SLF2: variants seen among roughly 807,000 people sequenced by gnomAD.
The protein encoded by SLF2 is SMC5-SMC6 complex localization factor protein 2.
A neutral mutation model predicts 124.3 loss-of-function variants in SLF2; 68 were observed. The ratio of observed to expected loss-of-function variants is 0.55; its 90% confidence interval spans 0.45 to 0.67. SLF2 has a LOEUF of 0.67. SLF2 is among the 30% of genes least tolerant of loss of function. The probability of loss-of-function intolerance (pLI) is 0.00; values close to 1 mark genes in which losing one functional copy is unlikely to be tolerated. For synonymous variants in SLF2, 480 were observed against 478.8 expected (o/e 1.00, Z -0.03); for missense variants, 1,246 against 1,373.7 (o/e 0.91, Z 1.47).
intron 4 of SLF2, among the ~76,000 whole-genome samples, chr10:100,923,669 T>C (rs1849559265): frequency 6.6e-6 from 1 of 152,210 alleles, no homozygotes; most frequent in South Asian, 2.1e-4. Context: ...ACCTATGGCA[T>C]CCTTAACTTG....
Position 100,928,077 on chromosome 10 carries a change from G to C in SLF2, c.2043-1240G>C, listed in dbSNP as rs1464649292. Among the ~76,000 whole-genome samples, 161 of 67,090 alleles carry C rather than the reference G, an allele frequency of 2.4e-3. 26 individuals are homozygous for C. Among genetic ancestry groups the C allele is most frequent in the Non-Finnish European group, 4.2e-3 (124 of 29,564 alleles). The allele number at this position is 67,090 out of a possible 152,430, so 44.0% of individuals were successfully genotyped here. ...CACACACACACACACACGAGAGAGA[G>C]ACAGAGAGAGAGAGAGAGAGAGAGA... On this transcript the variant is annotated intron_variant, in intron 6 of 19. Coordinates refer to ENST00000238961, the MANE Select transcript of SLF2 (RefSeq NM_018121.4).
rs764905033 is a variant in SLF2, at chr10:100,924,784, A to G, written c.1783A>G (p.Arg595Gly). The G allele has an allele frequency of 6.2e-7, 1 of 1,614,198 alleles. No individual in the cohort carries two copies. The highest frequency in any genetic ancestry group is 1.1e-5 in the South Asian group (1 of 91,088). The change falls in exon 5 of 20, where the codon AGA becomes GGA. Residue 595 changes from arginine to glycine, a missense_variant. By Grantham distance (125) the Arg-to-Gly change is moderately radical. Coordinates refer to ENST00000238961, the MANE Select transcript of SLF2 (RefSeq NM_018121.4). ...CAATGCAGGTAGCAGTGCACTGAAA[A>G]GAAAACTAAGGGGTGATTTTGATAG... ...NSNAGSSALK[R>G]KLRGDFDSDE...
Position 100,959,341 on chromosome 10 carries a change from G to C in SLF2, c.3418-87G>C, listed in dbSNP as rs1451681901. The C allele has an allele frequency of 4.0e-6, 5 of 1,247,572 alleles. No homozygotes were observed. In the African/African-American group the frequency reaches 6.0e-5, roughly 15 times the overall value. 77.3% of individuals were successfully genotyped at this position (1,247,572 alleles called of 1,614,324 possible). On this transcript the variant is annotated intron_variant, in intron 18 of 19. Transcript: ENST00000238961. ...AGTTGTTGAGTGTGGGCCTGTTGCA[G>C]CTGTCAGATATTTTGTGTAGTGTTA...
intron 4 of SLF2, among the ~76,000 whole-genome samples, chr10:100,921,357 C>T (rs993850605): frequency 2.6e-5 from 4 of 152,220 alleles, no homozygotes; most frequent in Non-Finnish European, 4.4e-5. Context: ...GCTGGGATTA[C>T]GGGCGTGAGC....
intron 6 of SLF2, among the ~76,000 whole-genome samples, chr10:100,928,011 A>G (rs1849644742): frequency 6.9e-6 from 1 of 144,092 alleles, no homozygotes; most frequent in Admixed American, 7.1e-5. Context: ...TTGAGGAAAA[A>G]GTTTAGAATT....
chr10:100,930,948 C>G, intron 8 of SLF2, 28 bp from the exon 9 acceptor site: 1 of 1,550,164 alleles, frequency 6.5e-7, no homozygotes. Flanking sequence ...AAGTTAATAG[C>G]CATGTTGATT....
chr10:100,919,893 G>A (rs1432257407), intron 4 of SLF2, among the ~76,000 whole-genome samples: 1 of 152,086 alleles, frequency 6.6e-6, no homozygotes, highest in Admixed American at 6.6e-5. Context: ...CCTCCTTCAG[G>A]TTTCATCTAC....
At chr10:100,958,574 G>A (rs908379910) in intron 18 of SLF2, among the ~76,000 whole-genome samples, 6 of 152,328 alleles carry the variant, frequency 3.9e-5, no homozygotes, top group Admixed American at 1.3e-4. Context: ...AGTGGAAAGC[G>A]ACACAGTGGT....
At position 100,916,903 on chromosome 10, in the gene SLF2, G is replaced by A; in HGVS notation, c.518G>A (p.Arg173Lys). Reference protein sequence around the residue: ...SLKKKHRSPERRKSLFIHENN... With the variant: ...SLKKKHRSPEKRKSLFIHENN... ...AAGAAAAAACATCGATCCCCAGAGA[G>A]AAGGAAGTCACTATTCATTCATGAA... Residue 173 changes from arginine (R) to lysine (K), a missense_variant, in exon 3 of 20, where the codon AGA becomes AAA. Around this residue, in one of 3 missense-constraint regions of SLF2, gnomAD observed 698 missense variants for 708.9 expected, o/e 0.98. Coordinates refer to ENST00000238961, the MANE Select transcript of SLF2 (RefSeq NM_018121.4). 1 of 1,614,194 alleles carries A rather than the reference G, an allele frequency of 6.2e-7. No individual in the cohort carries two copies. The highest frequency in any genetic ancestry group is 8.5e-7 in the Non-Finnish European group (1 of 1,180,042).
At chr10:100,928,481 C>T (rs745763859) in intron 6 of SLF2, among the ~76,000 whole-genome samples, 6 of 152,170 alleles carry the variant, frequency 3.9e-5, no homozygotes, top group Non-Finnish European at 8.8e-5. Flanking sequence ...AAATGAAAGA[C>T]AGTAGTACTA....
chr10:100,946,963 G>C (rs1008021728), intron 13 of SLF2, 76 bp from the exon 14 acceptor site: 2 of 1,111,470 alleles, frequency 1.8e-6, no homozygotes, highest in Non-Finnish European at 2.7e-6. Context: ...TGTCAAGAAG[G>C]GTTGTAGATG....
In SLF2 at chr10:100,929,973, G is replaced by A. The variant is rs779890695; in HGVS notation, c.2309G>A (p.Ser770Asn). The part of the protein sequence containing the change: ...DLRDSGFIGQ[S>N]AVEKLILKSG... Reference sequence around the variant, plus strand: ...AGAGACTCTGGTTTTATTGGACAAAGTGCTGTAGAAAAACTTATTCTTAAG... The same window carrying A: ...AGAGACTCTGGTTTTATTGGACAAAATGCTGTAGAAAAACTTATTCTTAAG... The change falls in exon 8 of 20, where the codon AGT (serine) becomes AAT (asparagine). Residue 770 changes from serine to asparagine, a missense_variant. This residue lies in a region of SLF2 where 535 missense variants were observed against 632.8 expected (regional missense o/e 0.85). Coordinates refer to ENST00000238961, the MANE Select transcript of SLF2 (RefSeq NM_018121.4). 3 of 1,533,104 alleles carry A rather than the reference G, an allele frequency of 2.0e-6. No individual in the cohort carries two copies. Among genetic ancestry groups the A allele is most frequent in the Non-Finnish European group, 2.6e-6 (3 of 1,142,746 alleles). The allele number at this position is 1,533,104 out of a possible 1,614,324, so 95.0% of individuals were successfully genotyped here.
intron 9 of SLF2, among the ~76,000 whole-genome samples, chr10:100,936,889 A>G (rs538335839): frequency 6.6e-6 from 1 of 151,830 alleles, no homozygotes; most frequent in Non-Finnish European, 1.5e-5. Context: ...GCAGCATGTT[A>G]GAATGTAAAG....
In SLF2 at chr10:100,944,053, G is replaced by A. The variant is rs146562009; in HGVS notation, c.2682G>A (p.Gly894=). The A allele has an allele frequency of 1.0e-4, 164 of 1,612,106 alleles. No individual in the cohort carries two copies. The highest frequency in any genetic ancestry group is 1.3e-4 in the Non-Finnish European group (150 of 1,179,354). ...CTGAAACACAGACAACATCAAGGGG[G>A]AAAGAAAGTGAAGATTCATCTTATA... ...LVSETQTTSR[G]KESEDSSYKP... Residue 894 remains glycine (G), a synonymous_variant, in exon 12 of 20, where the codon GGG becomes GGA. Transcript: ENST00000238961.
chr10:100,964,241 C>T lies in SLF2; in HGVS notation c.*2329C>T, dbSNP rs931736428. Reference sequence around the variant, plus strand: ...CAGGCCACTTTGGGGACTTGGCAAACGAAGCTTGCACTGAGTGGTGGTGTG... The same window carrying T: ...CAGGCCACTTTGGGGACTTGGCAAATGAAGCTTGCACTGAGTGGTGGTGTG... On this transcript the variant is annotated 3_prime_UTR_variant, in exon 20 of 20. Transcript: ENST00000238961. 3.9e-5 allele frequency: 6 copies of T among 152,734 alleles called. No homozygotes were observed. Among genetic ancestry groups the T allele is most frequent in the Admixed American group, 1.3e-4 (2 of 15,294 alleles). 9.5% of individuals were successfully genotyped at this position (152,734 alleles called of 1,614,324 possible).
intron 6 of SLF2, chr10:100,926,265 C>T (rs1268271759): frequency 7.3e-6 from 11 of 1,499,264 alleles, no homozygotes; most frequent in Admixed American, 4.5e-5. Flanking sequence ...GTCGTGATGG[C>T]GCCACTTCAC....
rs1554881805 is a variant in SLF2 at position 100,962,868 on chromosome 10, T to TGTGTGTGC, written c.*957_*958insTGTGTGCG. The TGTGTGTGC allele has an allele frequency of 6.6e-6, 1 of 152,112 alleles. No individual in the cohort carries two copies. The highest frequency in any genetic ancestry group is 2.4e-5 in the African/African-American group (1 of 41,262). The allele number at this position is 152,112 out of a possible 1,614,324, so 9.4% of individuals were successfully genotyped here. ...GTGTGTGTGTGTGTGTGTGTGTGTG[T>TGTGTGTGC]GCGCTTGTATCTTGAAGTTGTTGCA... On this transcript the variant is annotated 3_prime_UTR_variant, in exon 20 of 20. Coordinates refer to ENST00000238961, the MANE Select transcript of SLF2 (RefSeq NM_018121.4).
chr10:100,930,539 G>A (rs574138920), intron 8 of SLF2, among the ~76,000 whole-genome samples: 1 of 152,146 alleles, frequency 6.6e-6, no homozygotes, highest in Non-Finnish European at 1.5e-5. Flanking sequence ...ACAGATCAGG[G>A]TTCAGTTACC....
intron 3 of SLF2, 28 bp from the exon 4 acceptor site, chr10:100,918,356 A>G (rs1173526047): frequency 6.8e-7 from 1 of 1,477,000 alleles, no homozygotes; most frequent in Admixed American, 2.0e-5. Flanking sequence ...CCCAACACTT[A>G]ATTAATTTTA....
Sources: allele counts gnomAD v4.1 joint callset (sites outside exome capture counted in the v4.1 genomes callset), GRCh38; gene constraint gnomAD v4.1.1; regional missense constraint gnomAD v4.1.1; transcripts MANE v1.5; gene names NCBI Gene and HGNC (gene_info 2026-07-23, HGNC 2026-07-21).